The following RALGAPA2 variants were observed in gnomAD, a reference collection of about 807,000 sequenced individuals.
RALGAPA2 encodes the protein ral GTPase-activating protein subunit alpha-2.
Under a neutral mutation model 230.4 loss-of-function variants are expected in RALGAPA2, and 139 were observed. The ratio of observed to expected loss-of-function variants is 0.60; its 90% confidence interval spans 0.53 to 0.69. RALGAPA2 has a LOEUF of 0.69. Among genes scored for constraint, RALGAPA2 ranks in the 30% least tolerant of loss-of-function variants. The pLI is 0.00. For missense variants in RALGAPA2, 2,163 were observed against 2,276.0 expected (o/e 0.95, Z 1.01); for synonymous variants, 847 against 837.8 (o/e 1.01, Z -0.19).
At chr20:20,566,423 C>T (rs1279871656) in intron 23 of RALGAPA2, among the ~76,000 whole-genome samples, 2 of 152,136 alleles carry the variant, frequency 1.3e-5, no homozygotes, top group Admixed American at 1.3e-4. Flanking sequence ...GGTTATTTCT[C>T]CACACGTTGT....
At chr20:20,649,710 A>C (rs1197003437) in intron 4 of RALGAPA2, among the ~76,000 whole-genome samples, 2 of 152,210 alleles carry the variant, frequency 1.3e-5, no homozygotes, top group Non-Finnish European at 2.9e-5. Context: ...TGTACACTGA[A>C]TGAGACAGGA....
At chr20:20,564,543 A>G in intron 23 of RALGAPA2, among the ~76,000 whole-genome samples, 1 of 152,244 alleles carries the variant, frequency 6.6e-6, no homozygotes, top group African/African-American at 2.4e-5. Context: ...TTCAACATAA[A>G]AAGATCATTG....
chr20:20,449,898 C>T (rs544192506), intron 37 of RALGAPA2, among the ~76,000 whole-genome samples: 2 of 152,144 alleles, frequency 1.3e-5, no homozygotes, highest in Non-Finnish European at 2.9e-5. Flanking sequence ...CATGTGGTAG[C>T]TACACCTTAC....
intron 37 of RALGAPA2, among the ~76,000 whole-genome samples, chr20:20,442,489 C>T (rs1033322927): frequency 6.6e-6 from 1 of 152,228 alleles, no homozygotes; most frequent in Non-Finnish European, 1.5e-5. Context: ...AAACTCAAAG[C>T]AAGCACCAAA....
chr20:20,597,520 A>C (rs1243198399), intron 16 of RALGAPA2, among the ~76,000 whole-genome samples: 1 of 152,178 alleles, frequency 6.6e-6, no homozygotes, highest in Non-Finnish European at 1.5e-5. Flanking sequence ...TGCTTTGCTA[A>C]AACACAGTAT....
intron 31 of RALGAPA2, among the ~76,000 whole-genome samples, chr20:20,515,503 G>C (rs527515163): frequency 1.4e-4 from 21 of 152,352 alleles, no homozygotes; most frequent in Admixed American, 7.2e-4. Context: ...TAAATCCTCA[G>C]AGTGTCAGTC....
rs576792974 is a variant in RALGAPA2 at position 20,712,603 on chromosome 20, TGCCGCC to T, written c.-129_-124del. 2.5e-5 allele frequency: 29 copies of T among 1,179,290 alleles called. No homozygotes were observed. In the African/African-American group the frequency reaches 2.8e-4, roughly 11 times the overall value. The allele number at this position is 1,179,290 out of a possible 1,614,324, so 73.1% of individuals were successfully genotyped here. ...CACTCGCCGCCCCCAGCCCCGCTGC[TGCCGCC>T]GCCGCCGCCGCCGCCGCCGCCTCAG... On this transcript the variant is annotated 5_prime_UTR_variant, in exon 1 of 40. Transcript: ENST00000202677. This position sits in a 1 kb window ranked among gnomAD's most constrained non-coding sequence, Gnocchi z 5.5.
At chr20:20,420,023 G>A (rs943812489) in intron 37 of RALGAPA2, among the ~76,000 whole-genome samples, 1 of 152,202 alleles carries the variant, frequency 6.6e-6, no homozygotes, top group Non-Finnish European at 1.5e-5. Context: ...TACCAGGAAG[G>A]AAAGAGGGAG....
chr20:20,616,990 T>C (rs558437994), intron 12 of RALGAPA2, among the ~76,000 whole-genome samples: 6 of 152,326 alleles, frequency 3.9e-5, no homozygotes, highest in African/African-American at 1.4e-4. Flanking sequence ...CATATACTAT[T>C]ACTGCTTTGA....
rs764493541 is a variant in RALGAPA2, at chr20:20,512,509, T to C, written c.4856+4A>G. On this transcript the variant is annotated splice_donor_region_variant and intron_variant, in intron 32 of 39. Coordinates refer to ENST00000202677, the MANE Select transcript of RALGAPA2 (RefSeq NM_020343.4). Reference sequence around the variant, plus strand: ...ATAACTGGAGGTCTAGCTTGGATTGTTACCTTCTGTCCCAAGAATTCATTC... The same window carrying C: ...ATAACTGGAGGTCTAGCTTGGATTGCTACCTTCTGTCCCAAGAATTCATTC... The C allele has an allele frequency of 1.3e-6, 2 of 1,585,028 alleles. No individual in the cohort carries two copies. The highest frequency in any genetic ancestry group is 1.7e-6 in the Non-Finnish European group (2 of 1,168,364).
chr20:20,550,064 T>G (rs748793898), intron 23 of RALGAPA2, among the ~76,000 whole-genome samples: 1 of 152,118 alleles, frequency 6.6e-6, no homozygotes, highest in Non-Finnish European at 1.5e-5. Flanking sequence ...TAGTGGTGAT[T>G]TGTGAGATTT....
chr20:20,577,139 T>G (rs1482807681), intron 20 of RALGAPA2, among the ~76,000 whole-genome samples: 1 of 152,046 alleles, frequency 6.6e-6, no homozygotes, highest in Non-Finnish European at 1.5e-5. Context: ...CCCCACTGAG[T>G]GTCATCTCGA....
chr20:20,564,717 T>C (rs1316716411), intron 23 of RALGAPA2, among the ~76,000 whole-genome samples: 1 of 152,242 alleles, frequency 6.6e-6, no homozygotes, highest in Non-Finnish European at 1.5e-5. Flanking sequence ...CCATGGCCAG[T>C]GAGTGACAAA....
chr20:20,668,574 C>A (rs1049340118), intron 3 of RALGAPA2, among the ~76,000 whole-genome samples: 4 of 152,168 alleles, frequency 2.6e-5, no homozygotes, highest in African/African-American at 9.6e-5. Context: ...TTTTTACACT[C>A]TCATTAGGAA....
intron 38 of RALGAPA2, 122 bp from the exon 39 acceptor site, chr20:20,396,856 CT>C (rs2059730894): frequency 1.2e-6 from 1 of 803,892 alleles, no homozygotes; most frequent in Non-Finnish European, 2.0e-6. Context: ...TTTCTGCAGC[CT>C]TGTCAATCAG....
chr20:20,655,814 G>A (rs1239372115), intron 3 of RALGAPA2, among the ~76,000 whole-genome samples: 1 of 152,196 alleles, frequency 6.6e-6, no homozygotes, highest in African/African-American at 2.4e-5. Flanking sequence ...ATAGTGATAT[G>A]CAGGAGATAA....
At chr20:20,635,026 C>T (rs867569088) in intron 9 of RALGAPA2, among the ~76,000 whole-genome samples, 4 of 152,316 alleles carry the variant, frequency 2.6e-5, no homozygotes, top group Middle Eastern at 3.4e-3. Context: ...TTCACAGGTC[C>T]TTTCCAGGGG....
intron 36 of RALGAPA2, among the ~76,000 whole-genome samples, chr20:20,480,851 T>C (rs145765895): frequency 2.6e-5 from 4 of 152,358 alleles, no homozygotes; most frequent in African/African-American, 9.6e-5. Flanking sequence ...CTAAAGTTTC[T>C]GAGTGACTCA....
chr20:20,619,481 A>T, intron 11 of RALGAPA2, 67 bp from the exon 12 acceptor site: 1 of 1,102,036 alleles, frequency 9.1e-7, no homozygotes, highest in Non-Finnish European at 1.2e-6. Context: ...TTAACTATAA[A>T]TATAATTAAA....
Sources: gnomAD v4.1 joint callset for allele counts (sites outside exome capture counted in the v4.1 genomes callset) on GRCh38, gnomAD v4.1.1 for gene constraint, Gnocchi (gnomAD v3.1) non-coding constraint, MANE v1.5 for transcripts, NCBI Gene and HGNC (gene_info 2026-07-23, HGNC 2026-07-21) for gene names.